NKAIN3: variants seen among roughly 807,000 people sequenced by gnomAD.
NKAIN3 encodes sodium/potassium transporting ATPase interacting 3, also known as sodium/potassium-transporting ATPase subunit beta-1-interacting protein 3.
A neutral mutation model predicts 30.2 loss-of-function variants in NKAIN3; 25 were observed. The ratio of observed to expected loss-of-function variants is 0.83; its 90% confidence interval spans 0.60 to 1.16. NKAIN3 has a LOEUF of 1.16. Among genes scored for constraint, NKAIN3 ranks in the 50% most tolerant of loss-of-function variants. NKAIN3 has a pLI of 0.00. For synonymous variants in NKAIN3, 91 were observed against 89.6 expected, an observed-to-expected ratio of 1.02 and a Z score of -0.09; for missense variants, 225 against 254.1, an observed-to-expected ratio of 0.89 and a Z score of 0.78.
intron 5 of NKAIN3, among the ~76,000 whole-genome samples, chr8:62,999,048 T>C (rs12114159): frequency 0.015 from 2,314 of 152,326 alleles, 67 homozygotes; most frequent in African/African-American, 0.052. Flanking sequence ...GGCCCTTTGC[T>C]CATTTTTTAA....
At chr8:62,992,593 C>T (rs971063135) in intron 5 of NKAIN3, among the ~76,000 whole-genome samples, 6 of 151,894 alleles carry the variant, frequency 4.0e-5, no homozygotes, top group Non-Finnish European at 7.4e-5. Context: ...CCTCACCCAT[C>T]CCACCCTTTC....
chr8:62,717,749 G>T (rs866277203), intron 3 of NKAIN3, among the ~76,000 whole-genome samples: 1 of 152,058 alleles, frequency 6.6e-6, no homozygotes, highest in Non-Finnish European at 1.5e-5. Context: ...CTAGACAATA[G>T]TTCCCAAAAA....
chr8:62,577,995 A>G (rs1356064187), intron 1 of NKAIN3, among the ~76,000 whole-genome samples: 1 of 152,106 alleles, frequency 6.6e-6, no homozygotes, highest in East Asian at 1.9e-4. Context: ...CTATTCAAGC[A>G]TACACCTGCC....
intron 3 of NKAIN3, among the ~76,000 whole-genome samples, chr8:62,671,725 TA>T (rs1813312146): frequency 6.6e-6 from 1 of 152,120 alleles, no homozygotes; most frequent in Admixed American, 6.6e-5. Context: ...GGGACTAAAT[TA>T]TTACTGGGGT....
intron 1 of NKAIN3, among the ~76,000 whole-genome samples, chr8:62,546,207 G>A (rs1006855399): frequency 1.3e-5 from 2 of 152,084 alleles, no homozygotes; most frequent in African/African-American, 2.4e-5. Context: ...TTGTGTGCTC[G>A]TATCAGAATC....
chr8:62,703,403 C>T (rs1013738249), intron 3 of NKAIN3, among the ~76,000 whole-genome samples: 6 of 152,060 alleles, frequency 3.9e-5, no homozygotes, highest in African/African-American at 1.4e-4. Context: ...TACATATTTT[C>T]CTGTATGTAC....
At position 62,633,327 on chromosome 8, in the gene NKAIN3, C is replaced by A. The variant is rs139080679; in HGVS notation, c.273+43533C>A. On this transcript the variant is annotated intron_variant, in intron 3 of 6. Coordinates refer to ENST00000623646, the MANE Select transcript of NKAIN3 (RefSeq NM_001304533.3). ...GTCTTTTGCGTTGTTATTGATAACC[C>A]TGTCTGTCACTAACATAGGGTCCTG... Among the ~76,000 whole-genome samples the A allele has an allele frequency of 5.4e-3, 829 of 152,218 alleles. 7 individuals are homozygous for A. Among genetic ancestry groups the A allele is most frequent in the African/African-American group, 0.018 (750 of 41,540 alleles).
At chr8:62,794,983 A>G (rs1465643899) in intron 4 of NKAIN3, among the ~76,000 whole-genome samples, 1 of 152,096 alleles carries the variant, frequency 6.6e-6, no homozygotes, top group African/African-American at 2.4e-5. Flanking sequence ...CTTATTGTGT[A>G]CCTGTGTGTG....
chr8:62,784,496 A>G (rs539949563), intron 4 of NKAIN3, among the ~76,000 whole-genome samples: 3 of 152,056 alleles, frequency 2.0e-5, no homozygotes, highest in Non-Finnish European at 4.4e-5. Context: ...AGATAATACT[A>G]TGAGCAACTG....
chr8:62,799,352 AAAAC>A (rs1276683847), intron 4 of NKAIN3, among the ~76,000 whole-genome samples: 2 of 152,226 alleles, frequency 1.3e-5, no homozygotes, highest in African/African-American at 2.4e-5. Flanking sequence ...CAGCAAGAAA[AAAAC>A]AAACAATTGC....
At chr8:62,252,052 T>C (rs531394399) in intron 1 of NKAIN3, among the ~76,000 whole-genome samples, 6 of 152,304 alleles carry the variant, frequency 3.9e-5, no homozygotes, top group Admixed American at 1.3e-4. Flanking sequence ...ATTCTAACTC[T>C]GAGCCCGTAT....
chr8:62,600,978 A>G (rs2130146493), intron 3 of NKAIN3, among the ~76,000 whole-genome samples: 1 of 152,176 alleles, frequency 6.6e-6, no homozygotes, highest in African/African-American at 2.4e-5. Context: ...TCTTCTATCA[A>G]CTTTAGCTTT....
At chr8:62,856,614 A>T in intron 4 of NKAIN3, 1 of 778,478 alleles carries the variant, frequency 1.3e-6, no homozygotes, top group Non-Finnish European at 2.4e-6. Context: ...ATGACTCATC[A>T]TGAACTGGAC....
At chr8:62,354,649 GC>G (rs1244745534) in intron 1 of NKAIN3, among the ~76,000 whole-genome samples, 1 of 152,058 alleles carries the variant, frequency 6.6e-6, no homozygotes, top group Non-Finnish European at 1.5e-5. Context: ...CACCATGTTG[GC>G]CAGGCTGGTC....
intron 1 of NKAIN3, among the ~76,000 whole-genome samples, chr8:62,297,765 C>T (rs1424900320): frequency 6.6e-5 from 10 of 152,240 alleles, no homozygotes; most frequent in South Asian, 4.1e-4. Flanking sequence ...GTCAGTGTGG[C>T]GATTCCTCAG....
chr8:62,757,648 T>C (rs1816498920), intron 4 of NKAIN3, among the ~76,000 whole-genome samples: 1 of 152,168 alleles, frequency 6.6e-6, no homozygotes, highest in Admixed American at 6.5e-5. Flanking sequence ...TTAACTTCCA[T>C]CTAAGGCGTT....
At chr8:62,808,327 G>A (rs776826298) in intron 4 of NKAIN3, among the ~76,000 whole-genome samples, 26 of 152,058 alleles carry the variant, frequency 1.7e-4, no homozygotes, top group Non-Finnish European at 2.9e-4. Flanking sequence ...CTTTATTTCA[G>A]TCTCATTTTA....
In NKAIN3 at chr8:62,848,571, C is replaced by T. The variant is rs138598550; in HGVS notation, c.472-69882C>T. ...TTATCAGCTTAAGAAGCTTCTTGGC[C>T]GAGACGATGGGATATTCTAGACATA... On this transcript the variant is annotated intron_variant, in intron 4 of 6. Coordinates refer to ENST00000623646, the MANE Select transcript of NKAIN3 (RefSeq NM_001304533.3). 1.8e-3 allele frequency among the ~76,000 whole-genome samples: 280 copies of T among 152,086 alleles called. 1 individual carries two copies. In the Middle Eastern group the frequency reaches 0.02, roughly 11 times the overall value.
rs973766351 is a variant in NKAIN3 at position 62,971,058 on chromosome 8, G to T, written c.*5651G>T. Among the ~76,000 whole-genome samples the T allele has an allele frequency of 6.1e-5, 5 of 82,140 alleles. No individual in the cohort carries two copies. The highest frequency in any genetic ancestry group is 2.7e-4 in the African/African-American group (5 of 18,348). The allele number at this position is 82,140 out of a possible 152,430, so 53.9% of individuals were successfully genotyped here. A position where few individuals can be genotyped will look rare whatever the true frequency, so the allele number is the denominator to read the frequency against. On this transcript the variant is annotated 3_prime_UTR_variant, in exon 7 of 7. Coordinates refer to ENST00000623646, the MANE Select transcript of NKAIN3 (RefSeq NM_001304533.3). ...CCGGATGTGATTTCCCTAGAGACAA[G>T]GACCGAGACTCCTCTCATTGCTTCA...
Sources: gnomAD v4.1 joint callset for allele counts (sites outside exome capture counted in the v4.1 genomes callset) on GRCh38, gnomAD v4.1.1 for gene constraint, MANE v1.5 for transcripts, NCBI Gene and HGNC (gene_info 2026-07-23, HGNC 2026-07-21) for gene names.